The following MAN2A2 variants were observed in gnomAD, a reference collection of about 807,000 sequenced individuals.
MAN2A2 encodes mannosidase alpha class 2A member 2, also known as alpha-mannosidase 2x.
MAN2A2 carries 79 observed loss-of-function variants against 126.8 expected under a neutral mutation model. The observed-to-expected ratio is 0.62, with a 90% CI of 0.52 to 0.75. MAN2A2 has a LOEUF of 0.75. Among genes scored for constraint, MAN2A2 ranks in the 30% least tolerant of loss-of-function variants. The pLI is 0.00. For missense variants in MAN2A2, 1,392 were observed against 1,522.4 expected (o/e 0.91, Z 1.43); for synonymous variants, 671 against 618.7 (o/e 1.08, Z -1.25).
At chr15:90,904,083 T>G (rs963246726) in intron 1 of MAN2A2, 107 bp from the exon 2 acceptor site, 16 of 1,267,844 alleles carry the variant, frequency 1.3e-5, no homozygotes, top group Non-Finnish European at 1.7e-5. Context: ...GCCAGGCAAA[T>G]GGGTGTTCCT....
chr15:90,908,482 A>T (rs1428786099), intron 8 of MAN2A2, among the ~76,000 whole-genome samples: 2 of 152,368 alleles, frequency 1.3e-5, no homozygotes, highest in African/African-American at 4.8e-5. Context: ...TTTGGATGAA[A>T]AGAAAAGAAA....
rs565032282 is a variant in MAN2A2 at position 90,909,902 on chromosome 15, C to T, written c.1375-188C>T. ...ACAGGCGTGAGCCACCGCGCCCAGCCGAAGGTGCCCCTTTTATGTCAGAAT... is the reference window on the plus strand; with the variant it reads ...ACAGGCGTGAGCCACCGCGCCCAGCTGAAGGTGCCCCTTTTATGTCAGAAT... On this transcript the variant is annotated intron_variant, in intron 9 of 22. Coordinates refer to ENST00000559717, the MANE Select transcript of MAN2A2 (RefSeq NM_006122.4). 3.5e-4 allele frequency among the ~76,000 whole-genome samples: 54 copies of T among 152,314 alleles called. 1 individual carries two copies. The highest frequency in any genetic ancestry group is 5.9e-4 in the Admixed American group (9 of 15,290).
intron 17 of MAN2A2, 67 bp downstream of exon 17, chr15:90,913,058 C>T: frequency 2.3e-6 from 3 of 1,318,300 alleles, no homozygotes; most frequent in Non-Finnish European, 3.2e-6. Context: ...CGTATTCTTC[C>T]TTCTGCTGCT....
rs767542636 is a variant in MAN2A2, at chr15:90,916,119, C to T, written c.2861-4C>T. 6 of 1,613,780 alleles carry T rather than the reference C, an allele frequency of 3.7e-6. No individual in the cohort carries two copies. In the East Asian group the frequency reaches 1.3e-4, roughly 36 times the overall value. ...GGGCCAGCACTCACTGTTTGCTTCC[C>T]CAGGCCAGCTGGAGGTGATCTTGGA... is the stretch of plus-strand genomic sequence containing the variant. On this transcript the variant is annotated splice_polypyrimidine_tract_variant and splice_region_variant and intron_variant, in intron 19 of 22. Coordinates refer to ENST00000559717, the MANE Select transcript of MAN2A2 (RefSeq NM_006122.4).
Position 90,912,042 on chromosome 15 carries a change from G to C in MAN2A2, c.2110-1G>C. On this transcript the variant is annotated splice_acceptor_variant, in intron 14 of 22. Coordinates refer to ENST00000559717, the MANE Select transcript of MAN2A2 (RefSeq NM_006122.4). LOFTEE classifies it high-confidence loss of function. Reference sequence around the variant, plus strand: ...CTTCCTCACCCCTCCTGTGCCCACAGGTGTCTGTGCCTGTCCGCCTGCCAG... The same window carrying C: ...CTTCCTCACCCCTCCTGTGCCCACACGTGTCTGTGCCTGTCCGCCTGCCAG... 1 of 1,610,798 alleles carries C rather than the reference G, an allele frequency of 6.2e-7. No homozygotes were observed. Among genetic ancestry groups the C allele is most frequent in the Non-Finnish European group, 8.5e-7 (1 of 1,178,936 alleles).
chr15:90,908,204 C>T (rs1383232201), intron 8 of MAN2A2, among the ~76,000 whole-genome samples: 1 of 152,192 alleles, frequency 6.6e-6, no homozygotes, highest in Non-Finnish European at 1.5e-5. Context: ...CAGTTGTGAT[C>T]AGTGAGGCTG....
rs757058838 is a variant in MAN2A2 at position 90,918,286 on chromosome 15, C to T, written c.3087C>T (p.Ala1029=). The T allele has an allele frequency of 3.7e-6, 6 of 1,614,084 alleles. No homozygotes were observed. Among genetic ancestry groups the T allele is most frequent in the Admixed American group, 3.3e-5 (2 of 60,006 alleles). ...CCCCGGCGCTCGCTCTGCCTGTAGC[C>T]AGGATGCAGCTCCCAGGCCCTGGTC... ...LNAPALALPV[A]RMQLPGPGLR... The change falls in exon 21 of 23, where the codon GCC becomes GCT. Residue 1029 remains alanine (A), a synonymous_variant. Transcript: ENST00000559717.
At chr15:90,909,589 C>T (rs942524523) in intron 9 of MAN2A2, 85 bp downstream of exon 9, 24 of 1,284,720 alleles carry the variant, frequency 1.9e-5, no homozygotes, top group East Asian at 2.6e-5. Context: ...GTTCCCAACT[C>T]GGGCAGGGTG....
chr15:90,913,681 C>T lies in MAN2A2; in HGVS notation c.2786C>T (p.Ala929Val), dbSNP rs1172106789. The change falls in exon 19 of 23, where the codon GCC becomes GTC. Residue 929 changes from alanine to valine, a missense_variant. Physicochemically the swap from Ala to Val is moderately conservative, Grantham distance 64. Coordinates refer to ENST00000559717, the MANE Select transcript of MAN2A2 (RefSeq NM_006122.4). Reference protein sequence around the residue: ...QANFYPMPVMAYIQDAQKRLT... With the variant: ...QANFYPMPVMVYIQDAQKRLT... ...AACTTCTACCCCATGCCAGTCATGG[C>T]CTATATCCAGGACGCACAGAAGCGC... 1.2e-6 allele frequency: 2 copies of T among 1,610,862 alleles called. No homozygotes were observed. The highest frequency in any genetic ancestry group is 4.5e-5 in the East Asian group (2 of 44,842).
At chr15:90,909,607 T>A in intron 9 of MAN2A2, 103 bp downstream of exon 9, 1 of 556,500 alleles carries the variant, frequency 1.8e-6, no homozygotes, top group Non-Finnish European at 2.6e-6. Context: ...GTGCCCCCCT[T>A]TTTTTTTTTT....
chr15:90,913,972 T>TG (rs1285191893), intron 19 of MAN2A2, among the ~76,000 whole-genome samples: 2 of 152,112 alleles, frequency 1.3e-5, no homozygotes, highest in Non-Finnish European at 2.9e-5. Context: ...GGCAACTGGG[T>TG]GGAGTGTCCT....
At chr15:90,918,577 A>T in intron 21 of MAN2A2, 68 bp from the exon 22 acceptor site, 1 of 1,275,696 alleles carries the variant, frequency 7.8e-7, no homozygotes, top group Non-Finnish European at 1.1e-6. Context: ...CTCTGGGCAG[A>T]GGCGCTGCTG....
intron 21 of MAN2A2, 59 bp downstream of exon 21, chr15:90,918,447 T>C: frequency 6.5e-7 from 1 of 1,548,278 alleles, no homozygotes; most frequent in South Asian, 1.2e-5. Flanking sequence ...CCCTCCCTGC[T>C]CAGCTCCTTC....
chr15:90,909,604 CCT>C (rs553792814), intron 9 of MAN2A2, 100 bp downstream of exon 9: 1 of 1,202,914 alleles, frequency 8.3e-7, no homozygotes, highest in South Asian at 1.7e-5. Context: ...AGGGTGCCCC[CCT>C]TTTTTTTTTT....
chr15:90,908,694 G>C (rs1043197288), intron 8 of MAN2A2, among the ~76,000 whole-genome samples: 3 of 151,630 alleles, frequency 2.0e-5, no homozygotes, highest in Non-Finnish European at 4.4e-5. Flanking sequence ...TCCTGCCTCA[G>C]CCTCCTGAGT....
intron 19 of MAN2A2, among the ~76,000 whole-genome samples, chr15:90,914,886 G>A (rs1341283263): frequency 6.6e-6 from 1 of 152,210 alleles, no homozygotes; most frequent in Non-Finnish European, 1.5e-5. Context: ...CCGGGTAGCT[G>A]GTCACGCTGG....
intron 15 of MAN2A2, 61 bp from the exon 16 acceptor site, chr15:90,912,481 C>A (rs539824324): frequency 1.4e-5 from 23 of 1,600,912 alleles, no homozygotes; most frequent in Admixed American, 7.0e-5. Context: ...CCGTGTCCTC[C>A]CAGGAGGCAG....
chr15:90,903,874 G>A (rs2151286737), intron 1 of MAN2A2: 2 of 402,234 alleles, frequency 5.0e-6, no homozygotes, highest in South Asian at 4.2e-5. Flanking sequence ...CGAGGAGCCT[G>A]AACAGGCACC....
At chr15:90,911,028 G>A in intron 12 of MAN2A2, 67 bp downstream of exon 12, 1 of 1,504,696 alleles carries the variant, frequency 6.6e-7, no homozygotes, top group Non-Finnish European at 9.2e-7. Context: ...AGAGCTGCTG[G>A]ATGGGGGTGC....
Sources: allele counts gnomAD v4.1 joint callset (sites outside exome capture counted in the v4.1 genomes callset), GRCh38; gene constraint gnomAD v4.1.1; transcripts MANE v1.5; gene names NCBI Gene and HGNC (gene_info 2026-07-23, HGNC 2026-07-21).